The following TRMT10B variants were observed in gnomAD, a reference collection of about 807,000 sequenced individuals.
TRMT10B encodes the protein tRNA methyltransferase 10 homolog B.
In TRMT10B, 33 loss-of-function variants were observed where a neutral mutation model predicts 43.8. The ratio of observed to expected loss-of-function variants is 0.75; its 90% CI spans 0.57 to 1.01. The LOEUF is 1.01. Ranked by LOEUF, TRMT10B falls within the 50% of genes least tolerant of loss-of-function variation. The pLI, the probability that TRMT10B is intolerant of heterozygous loss-of-function variation, is 0.00. For missense variants in TRMT10B, 362 were observed against 369.8 expected (o/e 0.98, Z 0.17); for synonymous variants, 137 against 130.6 (o/e 1.05, Z -0.34).
At chr9:37,753,034 G>A (rs114071769), upstream of TRMT10B, among the ~76,000 whole-genome samples, 814 of 152,160 alleles carry the variant, frequency 5.3e-3, 7 homozygotes, top group African/African-American at 0.019. Context: ...TGTATTTGCA[G>A]CTCTTTCTTG....
intron 5 of TRMT10B, 64 bp from the exon 6 acceptor site, chr9:37,769,877 A>T: frequency 7.6e-7 from 1 of 1,313,390 alleles, no homozygotes; most frequent in Non-Finnish European, 1.1e-6. Context: ...TTCTGGGATT[A>T]CAGACGTGAG....
intron 7 of TRMT10B, among the ~76,000 whole-genome samples, chr9:37,775,690 C>T (rs552199697): frequency 1.8e-4 from 28 of 152,204 alleles, no homozygotes; most frequent in Non-Finnish European, 3.1e-4. Flanking sequence ...CACACCAGCA[C>T]ACCCTGTTAA....
chr9:37,770,366 A>T (rs1827439700), intron 6 of TRMT10B, among the ~76,000 whole-genome samples: 1 of 152,180 alleles, frequency 6.6e-6, no homozygotes, highest in Non-Finnish European at 1.5e-5. Flanking sequence ...TAATTTTAAA[A>T]TGTATTGGTA....
chr9:37,754,098 T>C (rs552108918), intron 1 of TRMT10B, among the ~76,000 whole-genome samples: 3 of 152,236 alleles, frequency 2.0e-5, no homozygotes, highest in Admixed American at 2.0e-4. Context: ...TTAGCGGCAG[T>C]GTAGGTACCC....
In TRMT10B at chr9:37,778,967, AAC is replaced by A. The variant is rs879505964; in HGVS notation, c.*1264_*1265del. 3.6e-5 allele frequency: 5 copies of A among 139,788 alleles called. No individual in the cohort carries two copies. The highest frequency in any genetic ancestry group is 6.3e-5 in the Non-Finnish European group (4 of 63,576). The allele number at this position is 139,788 out of a possible 1,614,324, so 8.7% of individuals were successfully genotyped here. ...TTGTAACAGATTAAATTGGAAAGCA[AAC>A]ACAGTATTGATTAAGTCTGTCTTGA... On this transcript the variant is annotated 3_prime_UTR_variant, in exon 9 of 9. Coordinates refer to ENST00000297994, the MANE Select transcript of TRMT10B (RefSeq NM_144964.4).
chr9:37,753,476 G>A (rs1825186263), upstream of TRMT10B, among the ~76,000 whole-genome samples: 2 of 152,054 alleles, frequency 1.3e-5, no homozygotes, highest in Non-Finnish European at 2.9e-5. Flanking sequence ...GGTCCATTCA[G>A]TCGGGTGCGG....
intron 1 of TRMT10B, among the ~76,000 whole-genome samples, chr9:37,758,158 T>G (rs1825916474): frequency 6.6e-6 from 1 of 152,174 alleles, no homozygotes; most frequent in South Asian, 2.1e-4. Flanking sequence ...ACACTTGTAA[T>G]CCCACCACTT....
At chr9:37,774,387 G>A (rs1030370894) in intron 7 of TRMT10B, among the ~76,000 whole-genome samples, 5 of 152,302 alleles carry the variant, frequency 3.3e-5, no homozygotes, top group Middle Eastern at 3.4e-3. Flanking sequence ...CATATTATCT[G>A]TCCACCAACA....
At chr9:37,758,574 TA>T (rs139861695) in intron 1 of TRMT10B, among the ~76,000 whole-genome samples, 3,723 of 152,192 alleles carry the variant, frequency 0.024, 167 homozygotes, top group African/African-American at 0.085. Context: ...GATAGAAATA[TA>T]AGGGTGTTTA....
At chr9:37,762,152 A>G (rs1826411411) in intron 2 of TRMT10B, 35 bp downstream of exon 2, 3 of 1,581,534 alleles carry the variant, frequency 1.9e-6, no homozygotes, top group Non-Finnish European at 1.7e-6. Context: ...TAGGCCTTGA[A>G]TGATGGAATG....
At position 37,773,730 on chromosome 9, in the gene TRMT10B, A is replaced by T. The variant is rs552214976; in HGVS notation, c.721-2552A>T. Among the ~76,000 whole-genome samples, 12 of 152,152 alleles carry T rather than the reference A, an allele frequency of 7.9e-5. 3 individuals are homozygous for T. The highest frequency in any genetic ancestry group is 2.9e-4 in the African/African-American group (12 of 41,514). On this transcript the variant is annotated intron_variant, in intron 7 of 8. Coordinates refer to ENST00000297994, the MANE Select transcript of TRMT10B (RefSeq NM_144964.4). ...GTGCCTGTAGTCCCAGCTACTCGGG[A>T]GGCTGAGGCAGGAGAATCTCTTGAA...
rs1397881673 is a variant in TRMT10B, at chr9:37,776,278, A to G, written c.721-4A>G. ...AAGAAAAATATTTAACTATATATTT[A>G]CAGAAGGTGACATTTCAAAAGGCCC... On this transcript the variant is annotated splice_polypyrimidine_tract_variant and splice_region_variant and intron_variant, in intron 7 of 8. Transcript: ENST00000297994. The G allele has an allele frequency of 6.6e-7, 1 of 1,511,488 alleles. No homozygotes were observed. Among genetic ancestry groups the G allele is most frequent in the Non-Finnish European group, 8.8e-7 (1 of 1,134,780 alleles). 93.6% of individuals were successfully genotyped at this position (1,511,488 alleles called of 1,614,324 possible).
chr9:37,759,068 TATA>T (rs1826019770), intron 1 of TRMT10B, among the ~76,000 whole-genome samples: 1 of 152,196 alleles, frequency 6.6e-6, no homozygotes, highest in South Asian at 2.1e-4. Flanking sequence ...TGTAAAATGG[TATA>T]ATACTTTGGG....
chr9:37,774,177 T>C (rs1246491669), intron 7 of TRMT10B, among the ~76,000 whole-genome samples: 1 of 152,084 alleles, frequency 6.6e-6, no homozygotes, highest in Non-Finnish European at 1.5e-5. Context: ...GCCCAGCTAA[T>C]TTTTTGTTGA....
chr9:37,753,597 A>G (rs1020125865), upstream of TRMT10B, among the ~76,000 whole-genome samples: 2 of 152,194 alleles, frequency 1.3e-5, no homozygotes, highest in African/African-American at 4.8e-5. Flanking sequence ...TGGGGTTGTA[A>G]TAGCTGTCCA....
At chr9:37,776,695 T>C (rs1435593891) in intron 8 of TRMT10B, among the ~76,000 whole-genome samples, 1 of 150,158 alleles carries the variant, frequency 6.7e-6, no homozygotes, top group African/African-American at 2.5e-5. Context: ...AGGTTAGGAG[T>C]TCGAAACCAG....
At chr9:37,766,794 A>C (rs1213002261) in intron 4 of TRMT10B, among the ~76,000 whole-genome samples, 2 of 152,184 alleles carry the variant, frequency 1.3e-5, no homozygotes, top group Non-Finnish European at 2.9e-5. Context: ...GGTCCTTCAC[A>C]TCCCTTGTAA....
At chr9:37,753,099 C>T (rs187598625), upstream of TRMT10B, among the ~76,000 whole-genome samples, 3 of 151,924 alleles carry the variant, frequency 2.0e-5, no homozygotes, top group South Asian at 2.1e-4. Context: ...CAGGTGTGCC[C>T]TCTTAAGAGA....
upstream of TRMT10B, among the ~76,000 whole-genome samples, chr9:37,753,230 C>A (rs113628944): frequency 1.3e-5 from 2 of 152,224 alleles, no homozygotes; most frequent in African/African-American, 4.8e-5. Flanking sequence ...CGATGGTCCG[C>A]GGTTTCATTC....
Sources: allele counts gnomAD v4.1 joint callset (sites outside exome capture counted in the v4.1 genomes callset), GRCh38; gene constraint gnomAD v4.1.1; transcripts MANE v1.5; gene names NCBI Gene and HGNC (gene_info 2026-07-23, HGNC 2026-07-21).